The following UBE4B variants were observed in gnomAD, a reference collection of about 807,000 sequenced individuals.
The protein encoded by UBE4B is ubiquitin conjugation factor E4 B.
In UBE4B, 27 loss-of-function variants were observed where a neutral mutation model predicts 148.1. The observed-to-expected ratio is 0.18, with a 90% CI of 0.13 to 0.25. The LOEUF (loss-of-function observed/expected upper bound fraction) is 0.25, where lower values mean the gene tolerates loss of function less well. UBE4B is among the 10% of genes least tolerant of loss of function. UBE4B has a pLI of 1.00. For missense variants in UBE4B, 1,170 were observed against 1,662.4 expected (o/e 0.70, Z 5.15); for synonymous variants, 596 against 619.3 (o/e 0.96, Z 0.56).
chr1:10,034,030 CTG>C (rs1396249076), intron 1 of UBE4B, among the ~76,000 whole-genome samples: 2 of 152,020 alleles, frequency 1.3e-5, no homozygotes, highest in African/African-American at 4.8e-5. Context: ...GTGTGTGTGT[CTG>C]TGTCTTCAGG....
At chr1:10,070,135 G>T (rs1306723327) in intron 1 of UBE4B, among the ~76,000 whole-genome samples, 1 of 151,874 alleles carries the variant, frequency 6.6e-6, no homozygotes, top group African/African-American at 2.4e-5. Context: ...TTAGGTGGGT[G>T]TGGTGGTGCA....
At chr1:10,176,260 T>C (rs1285860342) in intron 25 of UBE4B, among the ~76,000 whole-genome samples, 2 of 152,246 alleles carry the variant, frequency 1.3e-5, no homozygotes, top group Non-Finnish European at 2.9e-5. Flanking sequence ...GATAGACATT[T>C]GGGTTGTCTC....
At chr1:10,066,639 C>G (rs549932501) in intron 1 of UBE4B, among the ~76,000 whole-genome samples, 4 of 152,220 alleles carry the variant, frequency 2.6e-5, no homozygotes, top group South Asian at 4.1e-4. Flanking sequence ...AGGCAGGTGG[C>G]TCACGCTTGT....
At chr1:10,055,657 T>C (rs894691590) in intron 1 of UBE4B, among the ~76,000 whole-genome samples, 9 of 152,156 alleles carry the variant, frequency 5.9e-5, no homozygotes, top group South Asian at 4.1e-4. Flanking sequence ...CAGTGGCTCA[T>C]GCCTGTAATC....
intron 4 of UBE4B, among the ~76,000 whole-genome samples, chr1:10,102,513 C>T (rs1401675381): frequency 2.1e-5 from 3 of 145,150 alleles, no homozygotes; most frequent in Non-Finnish European, 3.0e-5. Context: ...TGGGTTCAAG[C>T]GATTCTCCTG....
At chr1:10,059,363 A>G (rs1040446348) in intron 1 of UBE4B, 1 of 189,452 alleles carries the variant, frequency 5.3e-6, no homozygotes, top group Admixed American at 4.9e-5. Flanking sequence ...AAGAGTCTGA[A>G]GGACACTATT....
At chr1:10,074,053 T>A (rs1257560344) in intron 2 of UBE4B, among the ~76,000 whole-genome samples, 1 of 151,672 alleles carries the variant, frequency 6.6e-6, no homozygotes, top group Non-Finnish European at 1.5e-5. Flanking sequence ...ATCCGTCTGC[T>A]TCAGTCTCTC....
At chr1:10,165,853 G>C (rs1380720798) in intron 23 of UBE4B, among the ~76,000 whole-genome samples, 2 of 152,084 alleles carry the variant, frequency 1.3e-5, no homozygotes, top group East Asian at 3.9e-4. Flanking sequence ...TGTCTGTCTG[G>C]GTATTTGTTT....
intron 1 of UBE4B, among the ~76,000 whole-genome samples, chr1:10,040,900 G>A (rs1321916913): frequency 1.3e-5 from 2 of 152,110 alleles, no homozygotes; most frequent in East Asian, 1.9e-4. Context: ...GATTACCGGC[G>A]TGAGCCACCG....
intron 2 of UBE4B, among the ~76,000 whole-genome samples, chr1:10,076,524 G>A (rs1406284262): frequency 1.3e-5 from 2 of 151,938 alleles, no homozygotes; most frequent in African/African-American, 2.4e-5. Flanking sequence ...GATTACACAC[G>A]TGAGCTACCA....
intron 2 of UBE4B, among the ~76,000 whole-genome samples, chr1:10,083,300 G>A (rs1475703680): frequency 6.6e-6 from 1 of 152,190 alleles, no homozygotes; most frequent in African/African-American, 2.4e-5. Context: ...GAAAACAGAT[G>A]CAAAGGTCCT....
intron 17 of UBE4B, among the ~76,000 whole-genome samples, chr1:10,137,830 T>A (rs1047451774): frequency 2.6e-5 from 4 of 152,062 alleles, no homozygotes; most frequent in African/African-American, 9.7e-5. Flanking sequence ...CACTTCTGCT[T>A]TTTGGTCTAG....
intron 25 of UBE4B, 104 bp downstream of exon 25, chr1:10,171,433 T>G (rs1376921105): frequency 7.2e-7 from 1 of 1,385,296 alleles, no homozygotes; most frequent in Non-Finnish European, 9.9e-7. Flanking sequence ...ATGAGTGGGT[T>G]GTTTTCCTTT....
chr1:10,066,052 C>T (rs550375490), intron 1 of UBE4B, among the ~76,000 whole-genome samples: 11 of 139,396 alleles, frequency 7.9e-5, no homozygotes, highest in Non-Finnish European at 1.7e-4. Context: ...TCCTTCCCTC[C>T]CCCACTCCTT....
intron 9 of UBE4B, among the ~76,000 whole-genome samples, chr1:10,120,373 C>T (rs1226147847): frequency 6.6e-6 from 1 of 152,058 alleles, no homozygotes; most frequent in African/African-American, 2.4e-5. Flanking sequence ...ATACAAAAGA[C>T]TTAGCTGGGC....
chr1:10,115,863 T>C (rs944821525), intron 7 of UBE4B, among the ~76,000 whole-genome samples: 2 of 152,206 alleles, frequency 1.3e-5, no homozygotes, highest in African/African-American at 4.8e-5. Context: ...ATGCCAATTA[T>C]GGTGAGTATT....
chr1:10,075,208 CTGTGTT>C (rs559082800), intron 2 of UBE4B, among the ~76,000 whole-genome samples: 163 of 152,346 alleles, frequency 1.1e-3, no homozygotes, highest in Middle Eastern at 3.4e-3. Flanking sequence ...GCAAGTGTAA[CTGTGTT>C]CCAGTAAAAC....
intron 20 of UBE4B, among the ~76,000 whole-genome samples, chr1:10,150,261 G>C (rs895456335): frequency 1.3e-5 from 2 of 152,052 alleles, no homozygotes; most frequent in Non-Finnish European, 2.9e-5. Context: ...TGATTGGTAT[G>C]AAATTTTAAA....
At chr1:10,096,884 CA>C (rs1287054571) in intron 3 of UBE4B, among the ~76,000 whole-genome samples, 1 of 151,412 alleles carries the variant, frequency 6.6e-6, no homozygotes, top group Non-Finnish European at 1.5e-5. Flanking sequence ...ACTAAAAATA[CA>C]AAAATTAGCT....
Sources: allele counts gnomAD v4.1 joint callset (sites outside exome capture counted in the v4.1 genomes callset), GRCh38; gene constraint gnomAD v4.1.1; transcripts MANE v1.5; gene names NCBI Gene and HGNC (gene_info 2026-07-23, HGNC 2026-07-21).